TIAM2: variants seen among roughly 807,000 people sequenced by gnomAD.
The protein encoded by TIAM2 is rho guanine nucleotide exchange factor TIAM2.
A neutral mutation model predicts 152.9 loss-of-function variants in TIAM2; 80 were observed. The ratio of observed to expected loss-of-function variants is 0.52; its 90% CI spans 0.44 to 0.63. TIAM2 has a LOEUF of 0.63. TIAM2 is among the 30% of genes least tolerant of loss of function. The pLI is 0.00. For synonymous variants in TIAM2, 804 were observed against 838.0 expected (o/e 0.96, Z 0.70); for missense variants, 1,965 against 2,120.1 (o/e 0.93, Z 1.44).
chr6:155,144,834 A>T, intron 6 of TIAM2, 56 bp downstream of exon 6: 1 of 1,527,242 alleles, frequency 6.5e-7, no homozygotes. Flanking sequence ...TAGAATAAGA[A>T]GGAACAGAAA....
At chr6:155,065,420 A>G (rs535324805) in intron 1 of TIAM2, among the ~76,000 whole-genome samples, 2 of 152,130 alleles carry the variant, frequency 1.3e-5, no homozygotes, top group African/African-American at 4.8e-5. Context: ...ATACAAAAGG[A>G]TAACTTCCTT....
At chr6:155,208,614 G>A (rs1306189106) in intron 14 of TIAM2, among the ~76,000 whole-genome samples, 6 of 152,086 alleles carry the variant, frequency 3.9e-5, no homozygotes, top group African/African-American at 1.2e-4. Flanking sequence ...TCCCCTTGCC[G>A]CATTCCCCAT....
At chr6:155,179,540 T>TC in intron 12 of TIAM2, 84 bp downstream of exon 12, 3 of 1,245,022 alleles carry the variant, frequency 2.4e-6, no homozygotes, top group Non-Finnish European at 3.4e-6. Context: ...CTTAATTTTT[T>TC]CCCCTTACAT....
At chr6:155,172,670 ATATATATATATATATATTTTTTTTTTTTT>A (rs1216191940) in intron 9 of TIAM2, among the ~76,000 whole-genome samples, 133 of 9,802 alleles carry the variant, frequency 0.014, 2 homozygotes, top group African/African-American at 0.04. Flanking sequence ...ATATATATAT[ATATATATATATATATATTTTTTTTTTTTT>A]TTTTTTTTTT....
rs1331157360 is a variant in TIAM2, at chr6:155,028,331, TATA to T, written c.-209+32843_-209+32845del. Among the ~76,000 whole-genome samples the T allele has an allele frequency of 5.0e-5, 5 of 99,102 alleles. 1 individual carries two copies. The highest frequency in any genetic ancestry group is 1.7e-4 in the African/African-American group (3 of 17,416). The allele number at this position is 99,102 out of a possible 152,430, so 65.0% of individuals were successfully genotyped here. A position where few individuals can be genotyped will look rare whatever the true frequency, so the allele number is the denominator to read the frequency against. On this transcript the variant is annotated intron_variant, in intron 1 of 26. Coordinates refer to ENST00000682666, the MANE Select transcript of TIAM2 (RefSeq NM_012454.4). The stretch of plus-strand genomic sequence containing the variant: ...TGTACTGTGTTACATATATACTACA[TATA>T]ATATATACTGTGTTACATATATACT...
intron 10 of TIAM2, 68 bp from the exon 11 acceptor site, chr6:155,178,971 A>T (rs1780825321): frequency 8.0e-7 from 1 of 1,243,436 alleles, no homozygotes. Context: ...ATTTTTAATA[A>T]GCCTGCTAAC....
chr6:155,016,466 T>G (rs1778584211), intron 1 of TIAM2: 1 of 139,832 alleles, frequency 7.2e-6, no homozygotes, highest in African/African-American at 2.5e-5. Context: ...ATTGGTAGTA[T>G]GGGAATACTA....
chr6:155,072,933 T>C (rs1327291435), intron 1 of TIAM2, among the ~76,000 whole-genome samples: 1 of 152,162 alleles, frequency 6.6e-6, no homozygotes, highest in Non-Finnish European at 1.5e-5. Flanking sequence ...TTTTGGATTA[T>C]GTGATGAATG....
intron 1 of TIAM2, among the ~76,000 whole-genome samples, chr6:155,039,342 T>C (rs1279653643): frequency 6.6e-6 from 1 of 152,088 alleles, no homozygotes; most frequent in Non-Finnish European, 1.5e-5. Flanking sequence ...CATCCCCCTT[T>C]AGCAGTAATC....
rs1357118101 is a variant in TIAM2 at position 155,172,684 on chromosome 6, A to G, written c.2362-4132A>G. On this transcript the variant is annotated intron_variant, in intron 9 of 26. Coordinates refer to ENST00000682666, the MANE Select transcript of TIAM2 (RefSeq NM_012454.4). ...TATATATATATATATATATATATAT[A>G]TATTTTTTTTTTTTTTTTTTTTTTT... is the stretch of plus-strand genomic sequence containing the variant. Among the ~76,000 whole-genome samples the G allele has an allele frequency of 8.7e-4, 12 of 13,722 alleles. No individual in the cohort carries two copies. In the Admixed American group the frequency reaches 0.015, roughly 17 times the overall value. 9.0% of individuals were successfully genotyped at this position (13,722 alleles called of 152,430 possible). A position where few individuals can be genotyped will look rare whatever the true frequency, so the allele number is the denominator to read the frequency against.
At chr6:155,172,398 C>T (rs1262612291) in intron 9 of TIAM2, among the ~76,000 whole-genome samples, 1 of 148,678 alleles carries the variant, frequency 6.7e-6, no homozygotes, top group East Asian at 1.9e-4. Context: ...CCAGCCTCAG[C>T]TTCCAAAAAA....
intron 2 of TIAM2, among the ~76,000 whole-genome samples, chr6:155,097,085 C>A (rs1372073911): frequency 6.6e-6 from 1 of 152,168 alleles, no homozygotes; most frequent in African/African-American, 2.4e-5. Flanking sequence ...TTTTGATTTG[C>A]ATTTCTCTGA....
Position 155,101,184 on chromosome 6 carries a change from C to T in TIAM2, c.-118+10805C>T, listed in dbSNP as rs146652836. On this transcript the variant is annotated intron_variant, in intron 2 of 26. Transcript: ENST00000682666. ...CTTTTGATCAAATGGGGAGAAAAAT[C>T]AGCTCCCCCGGTAATGTTTCTGAGG... is the stretch of plus-strand genomic sequence containing the variant. Among the ~76,000 whole-genome samples the T allele has an allele frequency of 4.5e-3, 679 of 152,282 alleles. 1 individual carries two copies. Among genetic ancestry groups the T allele is most frequent in the Non-Finnish European group, 7.4e-3 (504 of 68,022 alleles).
chr6:155,179,497 C>T (rs1280851811), intron 12 of TIAM2, 41 bp downstream of exon 12: 3 of 1,545,408 alleles, frequency 1.9e-6, no homozygotes, highest in Non-Finnish European at 2.6e-6. Flanking sequence ...TTGTGTTGTT[C>T]ATCTTTGCCT....
chr6:155,151,172 G>T (rs112212483), intron 7 of TIAM2, among the ~76,000 whole-genome samples: 1,588 of 152,258 alleles, frequency 0.01, 14 homozygotes, highest in Middle Eastern at 0.027. Context: ...TTTCTGAGTG[G>T]CAGCATCTCA....
intron 7 of TIAM2, among the ~76,000 whole-genome samples, chr6:155,158,230 T>A (rs973967859): frequency 4.0e-5 from 6 of 151,792 alleles, no homozygotes; most frequent in South Asian, 2.1e-4. Flanking sequence ...TGTCATCTTT[T>A]AAAAAAAAAT....
At chr6:155,011,411 T>C (rs1392460903) in intron 1 of TIAM2, among the ~76,000 whole-genome samples, 1 of 7,638 alleles carries the variant, frequency 1.3e-4, no homozygotes, top group Non-Finnish European at 1.9e-4. Flanking sequence ...TGAGATCCTG[T>C]GGCTTCTCAA....
At chr6:155,171,694 C>G (rs988033714) in intron 9 of TIAM2, among the ~76,000 whole-genome samples, 1 of 152,230 alleles carries the variant, frequency 6.6e-6, no homozygotes, top group African/African-American at 2.4e-5. Context: ...TATTAATACA[C>G]AACCCTACAT....
intron 26 of TIAM2, 25 bp from the exon 27 acceptor site, chr6:155,256,459 G>GCGAAATGT: frequency 6.2e-7 from 1 of 1,613,912 alleles, no homozygotes; most frequent in Non-Finnish European, 8.5e-7. Flanking sequence ...CTGTATCACA[G>GCGAAATGT]CGAAATGTGT....
Sources: gnomAD v4.1 joint callset for allele counts (sites outside exome capture counted in the v4.1 genomes callset) on GRCh38, gnomAD v4.1.1 for gene constraint, MANE v1.5 for transcripts, NCBI Gene and HGNC (gene_info 2026-07-23, HGNC 2026-07-21) for gene names.